Variants in LRBA observed in about 807,000 individuals in gnomAD.
LRBA encodes LPS responsive beige-like anchor protein.
A neutral mutation model predicts 330.0 loss-of-function variants in LRBA; 176 were observed. The observed-to-expected ratio is 0.53, with a 90% CI of 0.47 to 0.60. The LOEUF (loss-of-function observed/expected upper bound fraction) is 0.60. Among genes scored for constraint, LRBA ranks in the 20% least tolerant of loss-of-function variants. The pLI, the probability that LRBA is intolerant of heterozygous loss-of-function variation, is 0.00. For missense variants in LRBA, 3,259 were observed against 3,444.8 expected (o/e 0.95, Z 1.35); for synonymous variants, 1,230 against 1,193.0 (o/e 1.03, Z -0.64).
intron 37 of LRBA, among the ~76,000 whole-genome samples, chr4:150,661,488 G>GA (rs1781100104): frequency 7.1e-6 from 1 of 140,010 alleles, no homozygotes; most frequent in African/African-American, 2.7e-5. Context: ...AAAAAAAAAA[G>GA]AAGAAAGAAA....
At chr4:150,914,370 G>GA in intron 8 of LRBA, 29 bp from the exon 9 acceptor site, 4 of 1,440,372 alleles carry the variant, frequency 2.8e-6, no homozygotes, top group Non-Finnish European at 3.7e-6. Flanking sequence ...AAGGAATTAG[G>GA]AAAAAACAAA....
At chr4:150,899,972 T>C (rs1259593945) in intron 14 of LRBA, 77 bp downstream of exon 14, 1 of 1,103,030 alleles carries the variant, frequency 9.1e-7, no homozygotes, top group Non-Finnish European at 1.3e-6. Context: ...TATATGATAG[T>C]ACTGGTTAAA....
chr4:150,938,820 C>A (rs1735371079), intron 2 of LRBA, among the ~76,000 whole-genome samples: 1 of 152,192 alleles, frequency 6.6e-6, no homozygotes, highest in Non-Finnish European at 1.5e-5. Flanking sequence ...AAATACATTT[C>A]TGTTTTGCAG....
intron 37 of LRBA, among the ~76,000 whole-genome samples, chr4:150,611,024 A>C (rs990273742): frequency 6.6e-6 from 1 of 152,188 alleles, no homozygotes; most frequent in African/African-American, 2.4e-5. Context: ...CTGTACTTGA[A>C]GACTTTCTTC....
At chr4:150,974,824 G>A (rs914712329) in intron 2 of LRBA, among the ~76,000 whole-genome samples, 2 of 151,914 alleles carry the variant, frequency 1.3e-5, no homozygotes, top group South Asian at 2.1e-4. Flanking sequence ...TTTGAGAATC[G>A]AACTCAAATC....
chr4:150,573,518 T>C (rs1298846620), intron 40 of LRBA, among the ~76,000 whole-genome samples: 2 of 152,156 alleles, frequency 1.3e-5, no homozygotes, highest in Non-Finnish European at 2.9e-5. Flanking sequence ...AGAGAGACTA[T>C]ATAATATAGC....
chr4:150,373,172 T>TGTGTGTGTGAGA (rs1283762385), intron 47 of LRBA, among the ~76,000 whole-genome samples: 5 of 97,502 alleles, frequency 5.1e-5, no homozygotes, highest in East Asian at 2.8e-4. Flanking sequence ...TGTGTGTGTG[T>TGTGTGTGTGAGA]GAGAGAGAGA....
chr4:150,698,881 A>G (rs999348105), intron 36 of LRBA, among the ~76,000 whole-genome samples: 2 of 152,262 alleles, frequency 1.3e-5, no homozygotes, highest in African/African-American at 4.8e-5. Context: ...AGTTGAGAGT[A>G]TGACAAGTAA....
chr4:150,449,154 A>G (rs1753032650), intron 44 of LRBA, among the ~76,000 whole-genome samples: 1 of 152,162 alleles, frequency 6.6e-6, no homozygotes. Context: ...CAACTTGCAC[A>G]TGGGGAAAGA....
chr4:150,893,506 C>T (rs994225498), intron 16 of LRBA, among the ~76,000 whole-genome samples: 1 of 152,018 alleles, frequency 6.6e-6, no homozygotes, highest in African/African-American at 2.4e-5. Flanking sequence ...TGCACCACCA[C>T]ATCTGGCTAA....
chr4:150,497,049 T>A (rs1363866151), intron 40 of LRBA, among the ~76,000 whole-genome samples: 1 of 152,140 alleles, frequency 6.6e-6, no homozygotes, highest in African/African-American at 2.4e-5. Context: ...TGAAAAATAC[T>A]TTCATATCAA....
chr4:150,992,223 A>C (rs1333657856), intron 2 of LRBA, among the ~76,000 whole-genome samples: 3 of 151,908 alleles, frequency 2.0e-5, no homozygotes, highest in Admixed American at 6.6e-5. Context: ...GGCTGAGGCT[A>C]GAAAATCGCT....
At chr4:150,724,433 C>A (rs1427353491) in intron 36 of LRBA, among the ~76,000 whole-genome samples, 1 of 152,158 alleles carries the variant, frequency 6.6e-6, no homozygotes, top group African/African-American at 2.4e-5. Flanking sequence ...CTTTCAAATA[C>A]CTGGAAAGCC....
At position 150,964,533 on chromosome 4, in the gene LRBA, G is replaced by A. The variant is rs868487020; in HGVS notation, c.217-35468C>T. Among the ~76,000 whole-genome samples, 60 of 150,802 alleles carry A rather than the reference G, an allele frequency of 4.0e-4. 1 individual carries two copies. Among genetic ancestry groups the A allele is most frequent in the African/African-American group, 1.3e-3 (53 of 40,176 alleles). ...AATCTATAACCTTACCCCCAACCCC[G>A]TGCTCTCTGAAACATGTGCTGTGTC... On this transcript the variant is annotated intron_variant, in intron 2 of 56. Transcript: ENST00000651943.
intron 2 of LRBA, among the ~76,000 whole-genome samples, chr4:150,984,431 C>T (rs867784517): frequency 2.0e-5 from 3 of 152,122 alleles, no homozygotes; most frequent in Admixed American, 1.3e-4. Context: ...ATTGCTTGAA[C>T]CCGGAAGGCG....
chr4:150,719,116 C>T (rs183088944), intron 36 of LRBA, among the ~76,000 whole-genome samples: 2 of 152,156 alleles, frequency 1.3e-5, no homozygotes, highest in East Asian at 1.9e-4. Flanking sequence ...CATTCCTCAC[C>T]GAAACTGAAA....
chr4:150,530,635 ATT>A (rs746402091), intron 40 of LRBA, among the ~76,000 whole-genome samples: 23 of 152,126 alleles, frequency 1.5e-4, no homozygotes, highest in Non-Finnish European at 2.5e-4. Context: ...GGAGCCCATC[ATT>A]GTTTCCCCTT....
At chr4:150,719,725 A>C (rs141754364) in intron 36 of LRBA, among the ~76,000 whole-genome samples, 87 of 152,236 alleles carry the variant, frequency 5.7e-4, no homozygotes, top group Non-Finnish European at 9.1e-4. Flanking sequence ...AGAGAGAAAC[A>C]AACTGAGTAG....
intron 49 of LRBA, among the ~76,000 whole-genome samples, chr4:150,324,498 A>G (rs965488217): frequency 6.6e-6 from 1 of 152,092 alleles, no homozygotes; most frequent in Non-Finnish European, 1.5e-5. Flanking sequence ...TATGATGGCC[A>G]ATTCATACTG....
Sources: gnomAD v4.1 joint callset for allele counts (sites outside exome capture counted in the v4.1 genomes callset) on GRCh38, gnomAD v4.1.1 for gene constraint, MANE v1.5 for transcripts, NCBI Gene and HGNC (gene_info 2026-07-23, HGNC 2026-07-21) for gene names.